HOOK3: variants seen among roughly 807,000 people sequenced by gnomAD.
The protein encoded by HOOK3 is hook microtubule tethering protein 3, also known as protein Hook homolog 3.
Under a neutral mutation model 116.3 loss-of-function variants are expected in HOOK3, and 24 were observed. The ratio of observed to expected loss-of-function variants is 0.21; its 90% confidence interval spans 0.15 to 0.29. The LOEUF (loss-of-function observed/expected upper bound fraction) is 0.29. Among genes scored for constraint, HOOK3 ranks in the 10% least tolerant of loss-of-function variants. The pLI is 1.00. For synonymous variants in HOOK3, 275 were observed against 283.0 expected, an observed-to-expected ratio of 0.97 and a Z score of 0.28; for missense variants, 632 against 830.2, an observed-to-expected ratio of 0.76 and a Z score of 2.93.
At position 42,896,987 on chromosome 8, in the gene HOOK3, G is replaced by C. The variant is rs1806988495; in HGVS notation, c.-145G>C. The C allele has an allele frequency of 8.1e-6, 4 of 496,116 alleles. No homozygotes were observed. Among genetic ancestry groups the C allele is most frequent in the Non-Finnish European group, 1.3e-5 (4 of 316,562 alleles). The allele number at this position is 496,116 out of a possible 1,614,324, so 30.7% of individuals were successfully genotyped here. ...CTGGGGGTGACGGTGCGGAGCCGCT[G>C]CCAGCGCTGGGCGAGAGTCGGCGGC... On this transcript the variant is annotated 5_prime_UTR_variant, in exon 1 of 22. Coordinates refer to ENST00000307602, the MANE Select transcript of HOOK3 (RefSeq NM_032410.4).
At chr8:43,017,695 C>G (rs967121602) in intron 21 of HOOK3, among the ~76,000 whole-genome samples, 4 of 152,162 alleles carry the variant, frequency 2.6e-5, no homozygotes, top group Non-Finnish European at 5.9e-5. Flanking sequence ...GTCATTCCTC[C>G]GCAGTCAGGT....
intron 18 of HOOK3, among the ~76,000 whole-genome samples, chr8:43,008,596 G>A (rs1254702717): frequency 6.6e-6 from 1 of 151,892 alleles, no homozygotes; most frequent in African/African-American, 2.4e-5. Flanking sequence ...TGGGATTACA[G>A]ATGTGAGCAA....
Position 43,024,612 on chromosome 8 carries a change from A to C in HOOK3, c.*6114A>C. The C allele has an allele frequency of 5.4e-6, 1 of 185,400 alleles. No individual in the cohort carries two copies. The highest frequency in any genetic ancestry group is 8.7e-5 in the East Asian group (1 of 11,444). 11.5% of individuals were successfully genotyped at this position (185,400 alleles called of 1,614,324 possible). A position where few individuals can be genotyped will look rare whatever the true frequency, so the allele number is the denominator to read the frequency against. On this transcript the variant is annotated 3_prime_UTR_variant, in exon 22 of 22. Transcript: ENST00000307602. ...TTTATATCATGAAGTTTTTTCTATG[A>C]GGAAGGCTATTCTCAATGTATCTGT...
At chr8:42,905,152 C>A (rs1807278107) in intron 1 of HOOK3, among the ~76,000 whole-genome samples, 1 of 152,162 alleles carries the variant, frequency 6.6e-6, no homozygotes, top group South Asian at 2.1e-4. Context: ...GTGACTTCTA[C>A]ATCTGTGTAA....
chr8:42,978,802 G>A (rs1346580037), intron 13 of HOOK3, among the ~76,000 whole-genome samples: 1 of 152,108 alleles, frequency 6.6e-6, no homozygotes, highest in Non-Finnish European at 1.5e-5. Flanking sequence ...GCCCACCATG[G>A]CCTCCCAAAG....
At chr8:42,992,668 A>G (rs903287593) in intron 15 of HOOK3, among the ~76,000 whole-genome samples, 1 of 148,356 alleles carries the variant, frequency 6.7e-6, no homozygotes. Context: ...GTGAGCTGAG[A>G]TCACGCCACT....
chr8:42,975,614 TCTC>T (rs944832325), intron 13 of HOOK3, among the ~76,000 whole-genome samples: 18 of 152,176 alleles, frequency 1.2e-4, no homozygotes, highest in African/African-American at 4.1e-4. Flanking sequence ...GGACGTGACT[TCTC>T]CAGCTATCGA....
chr8:42,996,139 A>T (rs910950242), intron 15 of HOOK3, among the ~76,000 whole-genome samples: 2 of 152,140 alleles, frequency 1.3e-5, no homozygotes, highest in Non-Finnish European at 2.9e-5. Context: ...TAATCCCAGC[A>T]CTTTGGGAGG....
In HOOK3 at chr8:43,021,116, A is replaced by AC. The variant is rs1340170014; in HGVS notation, c.*2618_*2619insC. 1.1e-5 allele frequency: 2 copies of AC among 189,312 alleles called. No individual in the cohort carries two copies. The highest frequency in any genetic ancestry group is 1.2e-4 in the Admixed American group (2 of 16,116). The allele number at this position is 189,312 out of a possible 1,614,324, so 11.7% of individuals were successfully genotyped here. A position where few individuals can be genotyped will look rare whatever the true frequency, so the allele number is the denominator to read the frequency against. ...AACTCTGTCGCAAGAAAAAAAAAAA[A>AC]AAAAAAAAAAAAAAAAACAGTCTGT... On this transcript the variant is annotated 3_prime_UTR_variant, in exon 22 of 22. Coordinates refer to ENST00000307602, the MANE Select transcript of HOOK3 (RefSeq NM_032410.4).
chr8:42,950,766 A>G (rs535369686), intron 6 of HOOK3, among the ~76,000 whole-genome samples: 1 of 152,020 alleles, frequency 6.6e-6, no homozygotes, highest in Non-Finnish European at 1.5e-5. Flanking sequence ...GCTCACTGCA[A>G]CTTCCACCTC....
chr8:42,974,535 A>G (rs992619491), intron 13 of HOOK3, among the ~76,000 whole-genome samples: 1 of 152,236 alleles, frequency 6.6e-6, no homozygotes, highest in Non-Finnish European at 1.5e-5. Context: ...CACCACGCCC[A>G]GCCAGATGAT....
intron 18 of HOOK3, among the ~76,000 whole-genome samples, chr8:43,009,714 C>G (rs912948873): frequency 6.6e-6 from 1 of 152,018 alleles, no homozygotes. Flanking sequence ...AGTGTATAGT[C>G]CAGTGACATT....
intron 21 of HOOK3, among the ~76,000 whole-genome samples, chr8:43,017,262 TTTG>T (rs550621692): frequency 2.6e-4 from 39 of 152,268 alleles, no homozygotes; most frequent in South Asian, 1.0e-3. Flanking sequence ...TTCTTTCATT[TTTG>T]TTGTTGTTGT....
intron 21 of HOOK3, among the ~76,000 whole-genome samples, chr8:43,015,695 T>C (rs1809699047): frequency 1.3e-5 from 2 of 152,334 alleles, no homozygotes; most frequent in South Asian, 4.1e-4. Context: ...GCTCTGCATT[T>C]CAGGCCTTAT....
chr8:42,907,988 C>G (rs1354928007), intron 2 of HOOK3, among the ~76,000 whole-genome samples: 1 of 152,020 alleles, frequency 6.6e-6, no homozygotes, highest in East Asian at 1.9e-4. Flanking sequence ...GATACAAAAT[C>G]AACCTACAAA....
intron 21 of HOOK3, among the ~76,000 whole-genome samples, chr8:43,017,301 A>T (rs1809742092): frequency 6.6e-6 from 1 of 152,104 alleles, no homozygotes; most frequent in Non-Finnish European, 1.5e-5. Flanking sequence ...AAGTTCTCGC[A>T]CTGTTCCCAT....
At chr8:42,938,277 A>T (rs1808013808) in intron 4 of HOOK3, among the ~76,000 whole-genome samples, 2 of 137,980 alleles carry the variant, frequency 1.4e-5, no homozygotes, top group African/African-American at 2.8e-5. Context: ...CTTTATTTTG[A>T]GCCTATATGT....
chr8:42,953,294 G>A (rs555983303), intron 6 of HOOK3, among the ~76,000 whole-genome samples: 128 of 150,936 alleles, frequency 8.5e-4, no homozygotes, highest in African/African-American at 1.8e-3. Context: ...GGCCAGGCGC[G>A]GTGGCTCATG....
intron 6 of HOOK3, among the ~76,000 whole-genome samples, chr8:42,950,932 G>A (rs889575451): frequency 3.3e-5 from 5 of 152,072 alleles, no homozygotes; most frequent in Admixed American, 6.6e-5. Flanking sequence ...TGATCTGCCC[G>A]CCTTGGCCTC....
Sources: allele counts gnomAD v4.1 joint callset (sites outside exome capture counted in the v4.1 genomes callset), GRCh38; gene constraint gnomAD v4.1.1; transcripts MANE v1.5; gene names NCBI Gene and HGNC (gene_info 2026-07-23, HGNC 2026-07-21).